Variants in GPR158 observed in about 807,000 individuals in gnomAD.
GPR158 encodes metabotropic glycine receptor.
Under a neutral mutation model 78.2 loss-of-function variants are expected in GPR158, and 30 were observed. The observed-to-expected ratio is 0.38, with a 90% CI of 0.29 to 0.52. The LOEUF (loss-of-function observed/expected upper bound fraction) is 0.52. Ranked by LOEUF, GPR158 falls within the 20% of genes least tolerant of loss-of-function variation. The probability of loss-of-function intolerance (pLI) is 0.83; values close to 1 mark genes in which losing one functional copy is unlikely to be tolerated. For missense variants in GPR158, 1,463 were observed against 1,523.5 expected, an observed-to-expected ratio of 0.96 and a Z score of 0.66; for synonymous variants, 581 against 591.1, an observed-to-expected ratio of 0.98 and a Z score of 0.25.
At chr10:25,349,342 C>T (rs546421365) in intron 2 of GPR158, among the ~76,000 whole-genome samples, 1 of 152,066 alleles carries the variant, frequency 6.6e-6, no homozygotes, top group South Asian at 2.1e-4. Context: ...GGCTCAACTC[C>T]TCATCTCAAG....
At chr10:25,488,394 G>A (rs922385685) in intron 5 of GPR158, among the ~76,000 whole-genome samples, 1 of 152,116 alleles carries the variant, frequency 6.6e-6, no homozygotes, top group African/African-American at 2.4e-5. Flanking sequence ...AGAGAATTAC[G>A]TGTATTGTGA....
chr10:25,336,569 G>A (rs1236729882), intron 2 of GPR158, among the ~76,000 whole-genome samples: 1 of 151,992 alleles, frequency 6.6e-6, no homozygotes, highest in Non-Finnish European at 1.5e-5. Context: ...TTAACCAAGG[G>A]CATGTTATAC....
At chr10:25,408,499 T>C (rs1317400010) in intron 3 of GPR158, among the ~76,000 whole-genome samples, 1 of 152,212 alleles carries the variant, frequency 6.6e-6, no homozygotes, top group Non-Finnish European at 1.5e-5. Context: ...GCCCATACTT[T>C]ATCGTCTCCT....
At chr10:25,189,834 A>ATGTGTGTGTGTGTGTG (rs56205437) in intron 1 of GPR158, among the ~76,000 whole-genome samples, 2 of 120,554 alleles carry the variant, frequency 1.7e-5, no homozygotes, top group African/African-American at 6.5e-5. Flanking sequence ...AAAGGAAAGC[A>ATGTGTGTGTGTGTGTG]TGTGTGTGTG....
intron 2 of GPR158, among the ~76,000 whole-genome samples, chr10:25,368,586 G>A (rs927299470): frequency 2.0e-5 from 3 of 151,822 alleles, no homozygotes; most frequent in Non-Finnish European, 2.9e-5. Flanking sequence ...AAAAATAACA[G>A]ATACTGGTGA....
intron 2 of GPR158, among the ~76,000 whole-genome samples, chr10:25,255,435 G>T (rs1564403654): frequency 6.6e-6 from 1 of 152,208 alleles, no homozygotes; most frequent in African/African-American, 2.4e-5. Flanking sequence ...GCCTAGGCTG[G>T]ATGACCTGAC....
At chr10:25,571,158 A>G (rs1837001915) in intron 6 of GPR158, among the ~76,000 whole-genome samples, 1 of 152,210 alleles carries the variant, frequency 6.6e-6, no homozygotes, top group African/African-American at 2.4e-5. Context: ...TATATTGCAT[A>G]TACAGAATGG....
chr10:25,553,314 G>T (rs901419082), intron 6 of GPR158, among the ~76,000 whole-genome samples: 26 of 152,062 alleles, frequency 1.7e-4, no homozygotes, highest in Non-Finnish European at 1.9e-4. Context: ...AAAACTATTC[G>T]AAATTAAAAC....
chr10:25,417,540 T>G (rs1664524592), intron 4 of GPR158, among the ~76,000 whole-genome samples: 1 of 152,164 alleles, frequency 6.6e-6, no homozygotes, highest in South Asian at 2.1e-4. Flanking sequence ...GGGCTGCAAA[T>G]CCTTCATATA....
intron 2 of GPR158, among the ~76,000 whole-genome samples, chr10:25,241,193 TCTTTCTTTC>T (rs1482492426): frequency 3.4e-4 from 35 of 101,634 alleles, no homozygotes; most frequent in South Asian, 9.8e-4. Flanking sequence ...TTCTTTCCTT[TCTTTCTTTC>T]CTTTCTTTCC....
At chr10:25,430,869 G>A (rs182908958) in intron 4 of GPR158, among the ~76,000 whole-genome samples, 9 of 151,878 alleles carry the variant, frequency 5.9e-5, no homozygotes, top group South Asian at 4.2e-4. Flanking sequence ...ATTCAACATC[G>A]ATTAAAGACT....
intron 1 of GPR158, among the ~76,000 whole-genome samples, chr10:25,191,397 G>A (rs553741261): frequency 2.2e-4 from 34 of 152,114 alleles, no homozygotes; most frequent in Non-Finnish European, 4.6e-4. Flanking sequence ...TTCATTATTC[G>A]CTGATCCCAA....
At chr10:25,551,272 T>A (rs1836721724) in intron 6 of GPR158, among the ~76,000 whole-genome samples, 187 bp downstream of exon 6, 1 of 152,182 alleles carries the variant, frequency 6.6e-6, no homozygotes, top group African/African-American at 2.4e-5. Context: ...TTAATACAAC[T>A]GAATTGTTTG....
chr10:25,467,478 G>A (rs951706885), intron 5 of GPR158, among the ~76,000 whole-genome samples: 1 of 152,146 alleles, frequency 6.6e-6, no homozygotes, highest in Admixed American at 6.5e-5. Context: ...TCAAAATATG[G>A]CACAGAAACA....
intron 3 of GPR158, among the ~76,000 whole-genome samples, chr10:25,410,730 T>C (rs1366287200): frequency 2.0e-5 from 3 of 152,228 alleles, no homozygotes; most frequent in Non-Finnish European, 4.4e-5. Context: ...CACAGAGTTA[T>C]CTGGAGTAGG....
At chr10:25,203,465 T>C (rs1001348021) in intron 1 of GPR158, among the ~76,000 whole-genome samples, 1 of 152,110 alleles carries the variant, frequency 6.6e-6, no homozygotes, top group East Asian at 1.9e-4. Context: ...TTCAGCTTTC[T>C]ACATATGGCT....
In GPR158 at chr10:25,276,963, T is replaced by A. The variant is rs536776601; in HGVS notation, c.1008+55806T>A. On this transcript the variant is annotated intron_variant, in intron 2 of 10. Coordinates refer to ENST00000376351, the MANE Select transcript of GPR158 (RefSeq NM_020752.3). The stretch of plus-strand genomic sequence containing the variant: ...CATCCAACTATTTTTTTTTTTTTTT[T>A]ATAATAGACAGGGTCTCACTCTGTC... Among the ~76,000 whole-genome samples the A allele has an allele frequency of 6.6e-4, 100 of 151,068 alleles. No homozygotes were observed. The South Asian group carries it at 8.7e-3, about 13-fold the overall frequency.
chr10:25,350,353 A>T (rs1231753282), intron 2 of GPR158, among the ~76,000 whole-genome samples: 2 of 152,046 alleles, frequency 1.3e-5, no homozygotes, highest in African/African-American at 4.8e-5. Flanking sequence ...CTATTGCAGA[A>T]ATGGATTAAA....
chr10:25,405,498 CTTTTTTTTTTTTTTTTTT>C (rs59695469), intron 3 of GPR158, among the ~76,000 whole-genome samples: 4 of 45,522 alleles, frequency 8.8e-5, no homozygotes, highest in African/African-American at 1.5e-4. Context: ...AAACAATTTC[CTTTTTTTTTTTTTTTTTT>C]TTTTTTTTTT....
Sources: gnomAD v4.1 joint callset for allele counts (sites outside exome capture counted in the v4.1 genomes callset) on GRCh38, gnomAD v4.1.1 for gene constraint, MANE v1.5 for transcripts, NCBI Gene and HGNC (gene_info 2026-07-23, HGNC 2026-07-21) for gene names.